Variants in KCNH7 observed in about 807,000 individuals in gnomAD.
KCNH7 encodes voltage-gated inwardly rectifying potassium channel KCNH7.
KCNH7 carries 49 observed loss-of-function variants against 120.8 expected under a neutral mutation model. The observed-to-expected ratio is 0.41, with a 90% CI of 0.32 to 0.51. KCNH7 has a LOEUF of 0.51. KCNH7 is among the 20% of genes least tolerant of loss of function. The probability of loss-of-function intolerance (pLI) is 0.38; values close to 1 mark genes in which losing one functional copy is unlikely to be tolerated. For synonymous variants in KCNH7, 547 were observed against 516.1 expected, an observed-to-expected ratio of 1.06 and a Z score of -0.81; for missense variants, 1,097 against 1,446.6, an observed-to-expected ratio of 0.76 and a Z score of 3.92.
chr2:162,401,363 A>C (rs1235093520), intron 9 of KCNH7, among the ~76,000 whole-genome samples: 4 of 151,918 alleles, frequency 2.6e-5, no homozygotes, highest in South Asian at 2.1e-4. Context: ...TCCTACCAGT[A>C]CAAGCAGACT....
chr2:162,828,530 A>C lies in KCNH7; in HGVS notation c.307+8007T>G, dbSNP rs552225131. Reference sequence around the variant, plus strand: ...ATATTTCAAAAAATGCAAAAGAATTAATGTCCTATCAAAATTAAGAAAGAA... The same window carrying C: ...ATATTTCAAAAAATGCAAAAGAATTCATGTCCTATCAAAATTAAGAAAGAA... On this transcript the variant is annotated intron_variant, in intron 2 of 15. Coordinates refer to ENST00000332142, the MANE Select transcript of KCNH7 (RefSeq NM_033272.4). Among the ~76,000 whole-genome samples, 16 of 152,274 alleles carry C rather than the reference A, an allele frequency of 1.1e-4. No individual in the cohort carries two copies. The South Asian group carries it at 3.3e-3, about 32-fold the overall frequency.
intron 2 of KCNH7, among the ~76,000 whole-genome samples, chr2:162,636,153 A>C (rs944468289): frequency 5.3e-5 from 8 of 152,082 alleles, no homozygotes; most frequent in Non-Finnish European, 8.8e-5. Flanking sequence ...ATTTGGCAAC[A>C]AGATTTTGTG....
chr2:162,814,497 G>C (rs1684849172), intron 2 of KCNH7, among the ~76,000 whole-genome samples: 1 of 152,108 alleles, frequency 6.6e-6, no homozygotes, highest in Admixed American at 6.5e-5. Context: ...CTGTCGTTTG[G>C]AACAAAGACT....
chr2:162,406,910 T>C (rs1687244420), intron 9 of KCNH7, among the ~76,000 whole-genome samples: 1 of 152,032 alleles, frequency 6.6e-6, no homozygotes, highest in Non-Finnish European at 1.5e-5. Context: ...TATTTCCTGT[T>C]TGGCAATTAC....
chr2:162,640,723 T>C (rs1045902241), intron 2 of KCNH7, among the ~76,000 whole-genome samples: 3 of 152,186 alleles, frequency 2.0e-5, no homozygotes, highest in African/African-American at 7.2e-5. Flanking sequence ...ATATCAAAAC[T>C]TTTTACTGCA....
intron 2 of KCNH7, among the ~76,000 whole-genome samples, chr2:162,659,246 G>A (rs543377683): frequency 1.3e-5 from 2 of 151,642 alleles, no homozygotes; most frequent in East Asian, 3.9e-4. Context: ...TTTTTAGCTT[G>A]TTGATGTGAT....
chr2:162,547,784 C>T (rs1692531601), intron 2 of KCNH7, among the ~76,000 whole-genome samples: 1 of 149,054 alleles, frequency 6.7e-6, no homozygotes, highest in South Asian at 2.1e-4. Context: ...TCTATATTGT[C>T]CCAGGGTTCA....
At chr2:162,805,569 G>A (rs1684509718) in intron 2 of KCNH7, among the ~76,000 whole-genome samples, 1 of 151,814 alleles carries the variant, frequency 6.6e-6, no homozygotes. Flanking sequence ...CCATTATTAA[G>A]AAGTCAAAAA....
chr2:162,396,624 C>T, intron 11 of KCNH7, 116 bp downstream of exon 11: 12 of 717,880 alleles, frequency 1.7e-5, no homozygotes, highest in Non-Finnish European at 2.5e-5. Context: ...TCCAAATATT[C>T]AGAATTGGTA....
intron 9 of KCNH7, among the ~76,000 whole-genome samples, chr2:162,403,567 A>G (rs887197790): frequency 6.6e-6 from 1 of 151,942 alleles, no homozygotes; most frequent in Admixed American, 6.6e-5. Flanking sequence ...TCTGCCCCCA[A>G]CATTCATTCT....
At chr2:162,758,051 C>A (rs1036411764) in intron 2 of KCNH7, among the ~76,000 whole-genome samples, 1 of 151,972 alleles carries the variant, frequency 6.6e-6, no homozygotes, top group East Asian at 1.9e-4. Context: ...CACTGGTTAC[C>A]GGGAGAAAAG....
chr2:162,656,203 C>T (rs1219988218), intron 2 of KCNH7, among the ~76,000 whole-genome samples: 17 of 152,120 alleles, frequency 1.1e-4, no homozygotes, highest in Admixed American at 7.9e-4. Context: ...AAACATGATG[C>T]CTGTTTTTCT....
At chr2:162,609,132 T>C (rs921762428) in intron 2 of KCNH7, among the ~76,000 whole-genome samples, 6 of 152,182 alleles carry the variant, frequency 3.9e-5, no homozygotes, top group African/African-American at 1.2e-4. Context: ...CATTTCTGCC[T>C]TCTCCTATGG....
At chr2:162,428,702 T>G (rs1177464318) in intron 8 of KCNH7, among the ~76,000 whole-genome samples, 1 of 152,056 alleles carries the variant, frequency 6.6e-6, no homozygotes, top group South Asian at 2.1e-4. Context: ...TTTTCCTTCA[T>G]GTAATTTAAA....
At chr2:162,626,886 T>C (rs1300436665) in intron 2 of KCNH7, among the ~76,000 whole-genome samples, 1 of 152,138 alleles carries the variant, frequency 6.6e-6, no homozygotes, top group Non-Finnish European at 1.5e-5. Context: ...GAATTATTTC[T>C]CCAAAACCCC....
At chr2:162,508,628 A>G (rs2105763448) in intron 5 of KCNH7, among the ~76,000 whole-genome samples, 1 of 151,584 alleles carries the variant, frequency 6.6e-6, no homozygotes, top group South Asian at 2.1e-4. Flanking sequence ...TAACTAAGGT[A>G]GGTATTAACA....
intron 2 of KCNH7, among the ~76,000 whole-genome samples, chr2:162,605,780 T>C (rs943873479): frequency 2.0e-5 from 3 of 152,104 alleles, no homozygotes; most frequent in African/African-American, 7.2e-5. Flanking sequence ...GTATTCACCC[T>C]TTCCCCTTGA....
intron 2 of KCNH7, among the ~76,000 whole-genome samples, chr2:162,688,469 G>A (rs1203102305): frequency 1.3e-5 from 2 of 151,992 alleles, no homozygotes; most frequent in African/African-American, 4.8e-5. Flanking sequence ...TCAACAAATA[G>A]GGAACCCAAA....
At chr2:162,586,900 C>G (rs1380821872) in intron 2 of KCNH7, among the ~76,000 whole-genome samples, 1 of 151,774 alleles carries the variant, frequency 6.6e-6, no homozygotes, top group Non-Finnish European at 1.5e-5. Flanking sequence ...TTGCATGCTT[C>G]TATCATCGTC....
Sources: allele counts gnomAD v4.1 joint callset (sites outside exome capture counted in the v4.1 genomes callset), GRCh38; gene constraint gnomAD v4.1.1; transcripts MANE v1.5; gene names NCBI Gene and HGNC (gene_info 2026-07-23, HGNC 2026-07-21).